The following KAZN variants were observed in gnomAD, a reference collection of about 807,000 sequenced individuals.
KAZN encodes kazrin, periplakin interacting protein, also known as kazrin.
KAZN carries 40 observed loss-of-function variants against 87.4 expected under a neutral mutation model. The ratio of observed to expected loss-of-function variants is 0.46; its 90% CI spans 0.36 to 0.60. The LOEUF (loss-of-function observed/expected upper bound fraction) is 0.60, where lower values mean the gene tolerates loss of function less well. Among genes scored for constraint, KAZN ranks in the 20% least tolerant of loss-of-function variants. The pLI is 0.00. For missense variants in KAZN, 898 were observed against 1,073.9 expected, an observed-to-expected ratio of 0.84 and a Z score of 2.29; for synonymous variants, 466 against 458.3, an observed-to-expected ratio of 1.02 and a Z score of -0.22.
intron 1 of KAZN, among the ~76,000 whole-genome samples, chr1:14,055,501 A>G (rs1345021579): frequency 3.9e-5 from 6 of 152,210 alleles, no homozygotes; most frequent in Admixed American, 2.6e-4. Context: ...TGCCCAAGCC[A>G]GAAATCTTTC....
chr1:14,182,509 C>CGGA (rs1646219161), intron 2 of KAZN, among the ~76,000 whole-genome samples: 1 of 152,110 alleles, frequency 6.6e-6, no homozygotes, highest in Non-Finnish European at 1.5e-5. Flanking sequence ...TGGTTATGAT[C>CGGA]CTCCGTTCCT....
intron 2 of KAZN, among the ~76,000 whole-genome samples, chr1:14,591,348 G>T (rs925982667): frequency 6.6e-6 from 1 of 151,570 alleles, no homozygotes. Context: ...ACTTACAGAG[G>T]CTGTGACAGA....
chr1:14,462,104 TGGGAAA>T (rs1571707420), intron 2 of KAZN, among the ~76,000 whole-genome samples: 1 of 150,744 alleles, frequency 6.6e-6, no homozygotes, highest in Non-Finnish European at 1.5e-5. Context: ...AGTCTCCTCT[TGGGAAA>T]GCAAGAGGAG....
At chr1:14,183,241 G>A (rs1646235668) in intron 2 of KAZN, among the ~76,000 whole-genome samples, 1 of 152,152 alleles carries the variant, frequency 6.6e-6, no homozygotes, top group Non-Finnish European at 1.5e-5. Flanking sequence ...ATAAAACAAT[G>A]TGCACAGAGC....
At chr1:13,945,710 T>TGTGTGTGTGTGTGTGTGA (rs757118365) in intron 1 of KAZN, among the ~76,000 whole-genome samples, 2 of 137,186 alleles carry the variant, frequency 1.5e-5, no homozygotes, top group East Asian at 2.3e-4. Context: ...TGTGTGTGTG[T>TGTGTGTGTGTGTGTGTGA]GAGAGAGAGA....
At chr1:14,053,922 G>T (rs1286636761) in intron 1 of KAZN, among the ~76,000 whole-genome samples, 1 of 151,948 alleles carries the variant, frequency 6.6e-6, no homozygotes, top group East Asian at 1.9e-4. Context: ...GTAAGCTAGA[G>T]AAAAAAATGT....
chr1:13,941,923 T>C (rs903539159), intron 1 of KAZN, among the ~76,000 whole-genome samples: 2 of 152,178 alleles, frequency 1.3e-5, no homozygotes, highest in African/African-American at 4.8e-5. Context: ...ATTTGACAAT[T>C]GCAACCTGTG....
At chr1:14,541,911 G>A (rs1672834139) in intron 2 of KAZN, among the ~76,000 whole-genome samples, 2 of 152,196 alleles carry the variant, frequency 1.3e-5, no homozygotes, top group African/African-American at 4.8e-5. Context: ...CAGTGGAAAC[G>A]TCCACTTACT....
intron 2 of KAZN, among the ~76,000 whole-genome samples, chr1:14,458,693 T>C (rs753432800): frequency 1.1e-4 from 17 of 152,174 alleles, no homozygotes; most frequent in Admixed American, 7.9e-4. Context: ...GCTGGTGGCG[T>C]TCAAGGGTTC....
At chr1:14,882,576 G>C (rs1219902731) in intron 1 of KAZN, among the ~76,000 whole-genome samples, 1 of 152,170 alleles carries the variant, frequency 6.6e-6, no homozygotes, top group Non-Finnish European at 1.5e-5. Flanking sequence ...CATCAGTCCA[G>C]ATCTTCAGAT....
At position 15,004,606 on chromosome 1, in the gene KAZN, T is replaced by C. The variant is rs144326376; in HGVS notation, c.419-30143T>C. On this transcript the variant is annotated intron_variant, in intron 2 of 14. Transcript: ENST00000376030. ...CAGGGCCAGGCATGTAGCCGGAGTT[T>C]GGTCATTTTGTTTGCCGTCTTCAAG... Among the ~76,000 whole-genome samples, 630 of 152,306 alleles carry C rather than the reference T, an allele frequency of 4.1e-3. 4 individuals are homozygous for C. The highest frequency in any genetic ancestry group is 0.014 in the Middle Eastern group (4 of 294).
intron 8 of KAZN, among the ~76,000 whole-genome samples, chr1:15,075,546 A>G (rs950613366): frequency 3.3e-5 from 5 of 152,146 alleles, no homozygotes; most frequent in African/African-American, 1.2e-4. Context: ...CTGTGCTTTG[A>G]GGGCGCTGTC....
At chr1:14,235,923 T>C (rs896958346) in intron 2 of KAZN, among the ~76,000 whole-genome samples, 1 of 152,130 alleles carries the variant, frequency 6.6e-6, no homozygotes, top group Non-Finnish European at 1.5e-5. Flanking sequence ...GTGTTTGTTT[T>C]GTCTCATGCA....
chr1:14,149,843 A>T (rs1645435998), intron 1 of KAZN, among the ~76,000 whole-genome samples: 1 of 152,198 alleles, frequency 6.6e-6, no homozygotes, highest in African/African-American at 2.4e-5. Flanking sequence ...GTTTTACAAG[A>T]TGCATATTTT....
intron 2 of KAZN, among the ~76,000 whole-genome samples, chr1:14,579,228 G>A (rs529492503): frequency 1.3e-5 from 2 of 152,294 alleles, no homozygotes; most frequent in South Asian, 4.1e-4. Context: ...TCATGGAGTT[G>A]TTGTAATAAT....
At chr1:14,450,840 T>G (rs1667232556) in intron 2 of KAZN, among the ~76,000 whole-genome samples, 1 of 152,034 alleles carries the variant, frequency 6.6e-6, no homozygotes. Flanking sequence ...CATGTTGAAT[T>G]GTAATCCACA....
intron 1 of KAZN, among the ~76,000 whole-genome samples, chr1:14,777,499 C>T (rs76122950): frequency 0.036 from 5,448 of 152,184 alleles, 340 homozygotes; most frequent in African/African-American, 0.12. Flanking sequence ...AATTCTATGC[C>T]CCATGCGACC....
At chr1:14,896,167 G>A (rs1462638813) in intron 1 of KAZN, among the ~76,000 whole-genome samples, 1 of 150,622 alleles carries the variant, frequency 6.6e-6, no homozygotes, top group African/African-American at 2.5e-5. Flanking sequence ...CGATTCTCCT[G>A]CCTCAGCCTC....
intron 13 of KAZN, among the ~76,000 whole-genome samples, chr1:15,109,973 ATGTT>A (rs1557805925): frequency 2.2e-5 from 3 of 134,896 alleles, no homozygotes; most frequent in South Asian, 2.5e-4. Context: ...GTGTGTTTGT[ATGTT>A]TGTATGTTTA....
Sources: gnomAD v4.1 joint callset for allele counts (sites outside exome capture counted in the v4.1 genomes callset) on GRCh38, gnomAD v4.1.1 for gene constraint, MANE v1.5 for transcripts, NCBI Gene and HGNC (gene_info 2026-07-23, HGNC 2026-07-21) for gene names.